Variants in ASAP1 observed in about 807,000 individuals in gnomAD.
The protein encoded by ASAP1 is ArfGAP with SH3 domain, ankyrin repeat and PH domain 1.
ASAP1 carries 43 observed loss-of-function variants against 145.2 expected under a neutral mutation model. The ratio of observed to expected loss-of-function variants is 0.30; its 90% CI spans 0.23 to 0.38. ASAP1 has a LOEUF of 0.38. Ranked by LOEUF, ASAP1 falls within the 10% of genes least tolerant of loss-of-function variation. The pLI, the probability that ASAP1 is intolerant of heterozygous loss-of-function variation, is 1.00. For missense variants in ASAP1, 1,018 were observed against 1,355.3 expected, an observed-to-expected ratio of 0.75 and a Z score of 3.91; for synonymous variants, 546 against 515.5, an observed-to-expected ratio of 1.06 and a Z score of -0.80.
At chr8:130,378,986 C>A (rs1056411462) in intron 2 of ASAP1, among the ~76,000 whole-genome samples, 1 of 152,192 alleles carries the variant, frequency 6.6e-6, no homozygotes, top group African/African-American at 2.4e-5. Flanking sequence ...TGGCACAGAA[C>A]TCTTGCAGCC....
intron 20 of ASAP1, 51 bp downstream of exon 20, chr8:130,118,110 T>TA: frequency 6.7e-7 from 1 of 1,503,708 alleles, no homozygotes; most frequent in Non-Finnish European, 9.2e-7. Context: ...TGGTTTGTGT[T>TA]AATTTATAAG....
At chr8:130,253,885 G>A (rs919159871) in intron 3 of ASAP1, among the ~76,000 whole-genome samples, 1 of 152,104 alleles carries the variant, frequency 6.6e-6, no homozygotes, top group Non-Finnish European at 1.5e-5. Flanking sequence ...GCCAGCCGTG[G>A]CGGTGGGAGC....
intron 14 of ASAP1, among the ~76,000 whole-genome samples, chr8:130,135,268 A>G (rs775312910): frequency 1.6e-4 from 24 of 152,142 alleles, no homozygotes; most frequent in Non-Finnish European, 3.1e-4. Flanking sequence ...AGGTAGGAGG[A>G]CTGCTTAAGC....
At chr8:130,294,704 C>G (rs1395310992) in intron 3 of ASAP1, among the ~76,000 whole-genome samples, 1 of 152,208 alleles carries the variant, frequency 6.6e-6, no homozygotes, top group Non-Finnish European at 1.5e-5. Context: ...ACAAGTCTTT[C>G]TCTTGGCTAA....
At chr8:130,288,070 G>A (rs188609107) in intron 3 of ASAP1, among the ~76,000 whole-genome samples, 82 of 152,280 alleles carry the variant, frequency 5.4e-4, no homozygotes, top group African/African-American at 1.7e-3. Flanking sequence ...TCCATGCTGC[G>A]TGGAACTCTT....
chr8:130,405,499 G>A (rs10103280), intron 1 of ASAP1, among the ~76,000 whole-genome samples: 43,058 of 152,010 alleles, frequency 0.28, 6,321 homozygotes, highest in Non-Finnish European at 0.32. Flanking sequence ...TGCTGGGGTC[G>A]GGGGGAAGGC....
intron 3 of ASAP1, among the ~76,000 whole-genome samples, chr8:130,343,446 A>G (rs1825513432): frequency 6.6e-6 from 1 of 152,216 alleles, no homozygotes; most frequent in Non-Finnish European, 1.5e-5. Flanking sequence ...CAAGGGCAAC[A>G]GCACATTCAG....
chr8:130,133,587 C>CG (rs1169193898), intron 15 of ASAP1, among the ~76,000 whole-genome samples: 2 of 151,660 alleles, frequency 1.3e-5, no homozygotes, highest in East Asian at 3.9e-4. Context: ...ACCCGGGAAG[C>CG]GGAGCTTGCA....
chr8:130,168,920 T>C, intron 10 of ASAP1, 72 bp downstream of exon 10: 1 of 906,758 alleles, frequency 1.1e-6, no homozygotes, highest in Admixed American at 2.5e-5. Flanking sequence ...ACCTTTCTAA[T>C]ACAGATTTCA....
At chr8:130,195,467 G>C (rs984505557) in intron 5 of ASAP1, 1 of 151,604 alleles carries the variant, frequency 6.6e-6, no homozygotes, top group Admixed American at 6.6e-5. Flanking sequence ...GGCAAGGACT[G>C]CAAGATTACA....
intron 1 of ASAP1, among the ~76,000 whole-genome samples, chr8:130,417,027 A>G (rs1168310406): frequency 2.6e-5 from 4 of 152,270 alleles, no homozygotes; most frequent in Non-Finnish European, 4.4e-5. Flanking sequence ...ATATGGACAC[A>G]CAGAAGTGCA....
At chr8:130,399,984 T>C (rs1423504842) in intron 2 of ASAP1, among the ~76,000 whole-genome samples, 1 of 152,120 alleles carries the variant, frequency 6.6e-6, no homozygotes, top group East Asian at 1.9e-4. Flanking sequence ...CATGCCCAGC[T>C]AATTTTGTCT....
intron 1 of ASAP1, among the ~76,000 whole-genome samples, chr8:130,404,284 A>C (rs190971455): frequency 6.6e-6 from 1 of 152,220 alleles, no homozygotes; most frequent in Non-Finnish European, 1.5e-5. Context: ...TCACAAATTT[A>C]AATTAGATGG....
intron 13 of ASAP1, among the ~76,000 whole-genome samples, chr8:130,139,473 C>T (rs2097604291): frequency 6.6e-6 from 1 of 152,304 alleles, no homozygotes; most frequent in South Asian, 2.1e-4. Flanking sequence ...TGCCTGTAAT[C>T]CCAGCACTTT....
At chr8:130,225,981 G>A (rs903149229) in intron 4 of ASAP1, among the ~76,000 whole-genome samples, 2 of 151,812 alleles carry the variant, frequency 1.3e-5, no homozygotes, top group African/African-American at 4.8e-5. Flanking sequence ...TGGCTCAAGT[G>A]ATATTCCCAC....
intron 3 of ASAP1, among the ~76,000 whole-genome samples, chr8:130,263,743 C>T (rs1190912933): frequency 2.0e-5 from 3 of 152,220 alleles, no homozygotes; most frequent in Non-Finnish European, 4.4e-5. Flanking sequence ...CATCCTAGGG[C>T]TTATTCACCA....
chr8:130,131,603 G>GA (rs1159191172), intron 15 of ASAP1, among the ~76,000 whole-genome samples: 990 of 63,002 alleles, frequency 0.016, 52 homozygotes, highest in African/African-American at 0.046. Context: ...CATGGCTACT[G>GA]AAAAAAAAAA....
intron 3 of ASAP1, among the ~76,000 whole-genome samples, chr8:130,329,934 T>C (rs1186170011): frequency 6.6e-6 from 1 of 152,196 alleles, no homozygotes; most frequent in Non-Finnish European, 1.5e-5. Context: ...CCAGCAGCCC[T>C]GAATCACCAT....
At chr8:130,416,479 G>A (rs1413347324) in intron 1 of ASAP1, among the ~76,000 whole-genome samples, 2 of 152,172 alleles carry the variant, frequency 1.3e-5, no homozygotes, top group Non-Finnish European at 2.9e-5. Context: ...CTGCCGACCA[G>A]TCAACAACAT....
Sources: allele counts gnomAD v4.1 joint callset (sites outside exome capture counted in the v4.1 genomes callset), GRCh38; gene constraint gnomAD v4.1.1; transcripts MANE v1.5; gene names NCBI Gene and HGNC (gene_info 2026-07-23, HGNC 2026-07-21).